NSDHL: variants seen among roughly 807,000 people sequenced by gnomAD.
NSDHL encodes sterol-4-alpha-carboxylate 3-dehydrogenase, decarboxylating.
NSDHL carries 1 observed loss-of-function variant against 23.0 expected under a neutral mutation model. The observed-to-expected ratio is 0.04, with a 90% CI of 0.02 to 0.21. The LOEUF (loss-of-function observed/expected upper bound fraction) is 0.21. NSDHL is among the 10% of genes least tolerant of loss of function. The probability of loss-of-function intolerance (pLI) is 1.00; values close to 1 mark genes in which losing one functional copy is unlikely to be tolerated. For synonymous variants in NSDHL, 128 were observed against 121.1 expected (o/e 1.06, Z -0.37); for missense variants, 237 against 300.9 (o/e 0.79, Z 1.57).
At chrX:152,853,006 C>A (rs1419072845) in intron 3 of NSDHL, among the ~76,000 whole-genome samples, 2 of 110,254 alleles carry the variant, frequency 1.8e-5, no homozygotes, top group Non-Finnish European at 3.8e-5. Context: ...AGAACTTATT[C>A]TCTTTTCTTC....
intron 1 of NSDHL, among the ~76,000 whole-genome samples, chrX:152,835,413 A>G (rs1933078090): frequency 9.2e-6 from 1 of 108,685 alleles, no homozygotes; most frequent in African/African-American, 3.4e-5. Flanking sequence ...TCAACTCGTC[A>G]TTTACATTAG....
At chrX:152,850,475 C>T in intron 3 of NSDHL, 52 bp downstream of exon 3, 1 of 1,093,011 alleles carries the variant, frequency 9.1e-7, no homozygotes, top group Non-Finnish European at 1.3e-6. Flanking sequence ...GAAGGGAAAC[C>T]ACGATACTTC....
intron 1 of NSDHL, among the ~76,000 whole-genome samples, chrX:152,833,987 A>G (rs782644343): frequency 1.8e-5 from 2 of 112,908 alleles, no homozygotes; most frequent in East Asian, 2.8e-4. Context: ...TGAGCCTCAC[A>G]GTAGCTCTGA....
chrX:152,831,556 G>T (rs1933014238), intron 1 of NSDHL: 1 of 118,281 alleles, frequency 8.5e-6, no homozygotes, highest in Admixed American at 9.4e-5. Context: ...TTTGAAAGGA[G>T]TGAGGGGGAT....
At chrX:152,867,180 T>C (rs1446858748) in intron 6 of NSDHL, among the ~76,000 whole-genome samples, 1 of 111,818 alleles carries the variant, frequency 8.9e-6, no homozygotes, top group Admixed American at 9.5e-5. Flanking sequence ...GCCTCACTGC[T>C]ACCCTGACTT....
At chrX:152,861,738 TA>T (rs1191768114) in intron 4 of NSDHL, among the ~76,000 whole-genome samples, 2 of 113,024 alleles carry the variant, frequency 1.8e-5, no homozygotes, top group African/African-American at 6.4e-5. Context: ...AATTTATTTG[TA>T]TGTACTTCGT....
chrX:152,838,543 C>G (rs188156791), intron 1 of NSDHL, among the ~76,000 whole-genome samples: 38 of 112,125 alleles, frequency 3.4e-4, no homozygotes, highest in Non-Finnish European at 6.2e-4. Context: ...TTTCTGCCTT[C>G]ATTTCGATAT....
At chrX:152,837,506 AG>A (rs1933117904) in intron 1 of NSDHL, among the ~76,000 whole-genome samples, 1 of 112,011 alleles carries the variant, frequency 8.9e-6, no homozygotes. Flanking sequence ...TTAGCATGAA[AG>A]GCTGTTGAAT....
chrX:152,856,124 G>A, intron 3 of NSDHL, among the ~76,000 whole-genome samples: 1 of 111,476 alleles, frequency 9.0e-6, no homozygotes, highest in Non-Finnish European at 1.9e-5. Flanking sequence ...CATCCCCATT[G>A]CGTTTAACAT....
Position 152,858,910 on chromosome X carries a change from G to A in NSDHL, c.408G>A (p.Gly136=). The part of the protein sequence containing the change: ...KNVIETCKEA[G]VQKLILTSSA... ...TCATTGAAACTTGCAAAGAGGCTGG[G>A]GTTCAGGTAAGGGGAAGGCTGGAGT... The change falls in exon 4 of 8, where the codon GGG becomes GGA. Residue 136 remains glycine, a synonymous_variant. Coordinates refer to ENST00000370274, the MANE Select transcript of NSDHL (RefSeq NM_015922.3). 1 of 1,207,766 alleles carries A rather than the reference G, an allele frequency of 8.3e-7. No individual in the cohort carries two copies.
chrX:152,855,225 C>A (rs1556846827), intron 3 of NSDHL, among the ~76,000 whole-genome samples: 1 of 109,221 alleles, frequency 9.2e-6, no homozygotes. Context: ...GAACTCCTGA[C>A]CTCAAGTGAT....
chrX:152,852,476 C>T (rs938896242), intron 3 of NSDHL, among the ~76,000 whole-genome samples: 1 of 107,693 alleles, frequency 9.3e-6, no homozygotes, highest in African/African-American at 3.4e-5. Context: ...TTAAAGTCAG[C>T]TGGTTGTAGA....
intron 5 of NSDHL, among the ~76,000 whole-genome samples, chrX:152,864,004 C>T (rs1302850179): frequency 2.7e-5 from 3 of 111,144 alleles, no homozygotes; most frequent in Non-Finnish European, 5.7e-5. Flanking sequence ...CTCCACCTCC[C>T]AGGTTCAAGC....
At chrX:152,837,944 T>C (rs1179901799) in intron 1 of NSDHL, among the ~76,000 whole-genome samples, 1 of 111,898 alleles carries the variant, frequency 8.9e-6, no homozygotes, top group Admixed American at 9.5e-5. Context: ...TTTTGGTTGG[T>C]AGGCTATTAA....
chrX:152,867,372 C>G (rs1556848201), intron 6 of NSDHL, among the ~76,000 whole-genome samples, 199 bp from the exon 7 acceptor site: 1 of 112,254 alleles, frequency 8.9e-6, no homozygotes, highest in African/African-American at 3.2e-5. Flanking sequence ...ATTCCACTAA[C>G]CCTGAAGACC....
chrX:152,831,576 C>T (rs1933014970), intron 1 of NSDHL: 1 of 115,847 alleles, frequency 8.6e-6, no homozygotes, highest in South Asian at 3.8e-4. Flanking sequence ...TGTGAGCGAG[C>T]ATGAGGGGCG....
chrX:152,864,775 C>T (rs969727513), intron 5 of NSDHL, among the ~76,000 whole-genome samples: 1 of 111,953 alleles, frequency 8.9e-6, no homozygotes, highest in East Asian at 2.8e-4. Flanking sequence ...GTCATTTCCT[C>T]CATCGCTGTG....
intron 3 of NSDHL, among the ~76,000 whole-genome samples, chrX:152,856,336 A>C (rs1933444292): frequency 8.9e-6 from 1 of 112,275 alleles, no homozygotes; most frequent in Non-Finnish European, 1.9e-5. Flanking sequence ...ATTAAAGTTA[A>C]TTTCACCTTT....
At chrX:152,832,051 C>T (rs1374525391) in intron 1 of NSDHL, among the ~76,000 whole-genome samples, 7 of 111,224 alleles carry the variant, frequency 6.3e-5, no homozygotes, top group Admixed American at 1.9e-4. Context: ...CTTGGCACGA[C>T]GTGTCCCCTT....
Sources: allele counts gnomAD v4.1 joint callset (sites outside exome capture counted in the v4.1 genomes callset), GRCh38; gene constraint gnomAD v4.1.1; transcripts MANE v1.5; gene names NCBI Gene and HGNC (gene_info 2026-07-23, HGNC 2026-07-21).